Variants in SRPK1 observed in about 807,000 individuals in gnomAD.
The protein encoded by SRPK1 is SRSF protein kinase 1.
SRPK1 carries 52 observed loss-of-function variants against 89.5 expected under a neutral mutation model. That is an observed-to-expected ratio of 0.58 (90% CI 0.46 to 0.73). The LOEUF (loss-of-function observed/expected upper bound fraction) is 0.73. SRPK1 is among the 30% of genes least tolerant of loss of function. The probability of loss-of-function intolerance (pLI) is 0.00; values close to 1 mark genes in which losing one functional copy is unlikely to be tolerated. For missense variants in SRPK1, 603 were observed against 780.6 expected, an observed-to-expected ratio of 0.77 and a Z score of 2.71; for synonymous variants, 255 against 270.2, an observed-to-expected ratio of 0.94 and a Z score of 0.55.
intron 14 of SRPK1, 199 bp from the exon 15 acceptor site, chr6:35,838,628 T>C (rs61272483): frequency 6.4e-7 from 1 of 1,555,508 alleles, no homozygotes; most frequent in African/African-American, 1.4e-5. Flanking sequence ...TTTTGTGGAT[T>C]CAGTGATAAC....
At chr6:35,908,666 T>C (rs999296007) in intron 2 of SRPK1, among the ~76,000 whole-genome samples, 11 of 151,984 alleles carry the variant, frequency 7.2e-5, no homozygotes, top group African/African-American at 2.7e-4. Flanking sequence ...AGCCTGACAA[T>C]GGGATAGAAA....
intron 12 of SRPK1, among the ~76,000 whole-genome samples, chr6:35,861,367 A>T (rs9470144): frequency 1.3e-5 from 2 of 152,104 alleles, no homozygotes. Context: ...ATGTTGCTCC[A>T]AACAGGGAAC....
intron 11 of SRPK1, 94 bp downstream of exon 11, chr6:35,869,388 C>T (rs1769982013): frequency 7.0e-7 from 1 of 1,428,486 alleles, no homozygotes. Context: ...TGTTGTAAAG[C>T]TATAGTTACA....
At chr6:35,908,963 T>C (rs1770903790) in intron 2 of SRPK1, among the ~76,000 whole-genome samples, 2 of 152,220 alleles carry the variant, frequency 1.3e-5, no homozygotes, top group African/African-American at 4.8e-5. Context: ...TGGAAATGCC[T>C]GGATGCCCAG....
intron 12 of SRPK1, among the ~76,000 whole-genome samples, chr6:35,858,758 A>G (rs1337389663): frequency 6.6e-6 from 1 of 152,140 alleles, no homozygotes; most frequent in African/African-American, 2.4e-5. Context: ...AAGATAGGAG[A>G]CACGGAAAAC....
chr6:35,868,399 C>T (rs1769957067), intron 12 of SRPK1, among the ~76,000 whole-genome samples: 1 of 152,140 alleles, frequency 6.6e-6, no homozygotes, highest in Non-Finnish European at 1.5e-5. Context: ...CACTATACAT[C>T]ATAAAGCCCT....
chr6:35,849,525 G>A (rs1769509272), intron 13 of SRPK1, among the ~76,000 whole-genome samples: 1 of 152,168 alleles, frequency 6.6e-6, no homozygotes, highest in Non-Finnish European at 1.5e-5. Flanking sequence ...TTGTCTAAGT[G>A]ATGTCTGCAT....
In SRPK1 at chr6:35,902,356, T is replaced by C. The variant is rs150863567; in HGVS notation, c.75-11343A>G. ...TGAGCCCAGCAGTGTGATGCAGCTG[T>C]AAGCTATGATCACGCCACTGCACTC... is the stretch of plus-strand genomic sequence containing the variant. On this transcript the variant is annotated intron_variant, in intron 2 of 15. Coordinates refer to ENST00000373825, the MANE Select transcript of SRPK1 (RefSeq NM_003137.5). Among the ~76,000 whole-genome samples, 1,028 of 151,848 alleles carry C rather than the reference T, an allele frequency of 6.8e-3. 14 individuals are homozygous for C. Among genetic ancestry groups the C allele is most frequent in the African/African-American group, 0.023 (965 of 41,408 alleles).
Position 35,884,729 on chromosome 6 carries a change from G to A in SRPK1, c.478+1995C>T, listed in dbSNP as rs548110283. Among the ~76,000 whole-genome samples the A allele has an allele frequency of 5.3e-5, 8 of 152,214 alleles. No individual in the cohort carries two copies. In the South Asian group the frequency reaches 1.0e-3, roughly 20 times the overall value. On this transcript the variant is annotated intron_variant, in intron 6 of 15. Transcript: ENST00000373825. The stretch of plus-strand genomic sequence containing the variant: ...GAAAAATATCTTGGGGGCCGGGCAC[G>A]GTGGCTCACACCTGTAATCCCAGCA...
At chr6:35,841,683 T>C (rs1411242873) in intron 14 of SRPK1, among the ~76,000 whole-genome samples, 1 of 151,838 alleles carries the variant, frequency 6.6e-6, no homozygotes, top group Non-Finnish European at 1.5e-5. Context: ...AATACAAAAA[T>C]TAGCTGGGCA....
chr6:35,843,551 A>G (rs1214110878), intron 13 of SRPK1, among the ~76,000 whole-genome samples: 1 of 150,472 alleles, frequency 6.6e-6, no homozygotes, highest in East Asian at 2.0e-4. Context: ...CCTGGGTTCA[A>G]GTGATTCTCC....
chr6:35,891,412 A>G (rs992302014), intron 2 of SRPK1, among the ~76,000 whole-genome samples: 1 of 152,112 alleles, frequency 6.6e-6, no homozygotes. Flanking sequence ...TTTCTATGAA[A>G]TCTCTTAAAT....
chr6:35,847,785 A>C (rs1769457143), intron 13 of SRPK1, among the ~76,000 whole-genome samples: 1 of 152,128 alleles, frequency 6.6e-6, no homozygotes, highest in Non-Finnish European at 1.5e-5. Flanking sequence ...GACACAAATA[A>C]ATGAAAATAT....
intron 2 of SRPK1, among the ~76,000 whole-genome samples, chr6:35,911,854 G>A (rs1002199081): frequency 2.6e-5 from 4 of 152,096 alleles, no homozygotes; most frequent in Admixed American, 1.3e-4. Flanking sequence ...CAGTTTGAAA[G>A]GACTGACTCC....
intron 9 of SRPK1, 35 bp from the exon 10 acceptor site, chr6:35,870,529 G>A (rs1183777054): frequency 6.6e-7 from 1 of 1,523,110 alleles, no homozygotes. Context: ...AAGCCTTCAG[G>A]TGGCTAATTA....
At chr6:35,920,078 G>C in intron 2 of SRPK1, 1 of 463,040 alleles carries the variant, frequency 2.2e-6, no homozygotes, top group South Asian at 1.5e-5. Context: ...GAAGACGTCG[G>C]AGGCAAGTTA....
intron 2 of SRPK1, among the ~76,000 whole-genome samples, chr6:35,896,674 A>G (rs1770631831): frequency 6.6e-6 from 1 of 152,220 alleles, no homozygotes; most frequent in African/African-American, 2.4e-5. Context: ...TTTTGTTACC[A>G]GTAGTGTTAA....
At chr6:35,898,332 T>C (rs142792847) in intron 2 of SRPK1, among the ~76,000 whole-genome samples, 147 of 152,272 alleles carry the variant, frequency 9.7e-4, no homozygotes, top group African/African-American at 3.4e-3. Context: ...TCAGGACTTA[T>C]AGATATACAG....
Position 35,849,547 on chromosome 6 carries a change from C to T in SRPK1, c.1621-6943G>A, listed in dbSNP as rs117293445. Among the ~76,000 whole-genome samples the T allele has an allele frequency of 5.3e-5, 8 of 152,286 alleles. No homozygotes were observed. The East Asian group carries it at 1.5e-3, about 29-fold the overall frequency. ...AGTGATGTCTGCATTCCCATGTTCA[C>T]TGCAGCACTATTCACAATAGCCAAG... On this transcript the variant is annotated intron_variant, in intron 13 of 15. Transcript: ENST00000373825.
Sources: allele counts gnomAD v4.1 joint callset (sites outside exome capture counted in the v4.1 genomes callset), GRCh38; gene constraint gnomAD v4.1.1; transcripts MANE v1.5; gene names NCBI Gene and HGNC (gene_info 2026-07-23, HGNC 2026-07-21).